The following SNX29 variants were observed in gnomAD, a reference collection of about 807,000 sequenced individuals.
SNX29 encodes the protein sorting nexin-29.
Under a neutral mutation model 102.1 loss-of-function variants are expected in SNX29, and 78 were observed. The ratio of observed to expected loss-of-function variants is 0.76; its 90% CI spans 0.64 to 0.92. SNX29 has a LOEUF of 0.92. SNX29 is among the 40% of genes least tolerant of loss of function. The pLI, the probability that SNX29 is intolerant of heterozygous loss-of-function variation, is 0.00. For missense variants in SNX29, 1,280 were observed against 1,061.7 expected (o/e 1.21, Z -2.86); for synonymous variants, 580 against 414.5 (o/e 1.40, Z -4.85).
chr16:12,456,715 T>C (rs1275783390), intron 18 of SNX29, among the ~76,000 whole-genome samples: 1 of 152,120 alleles, frequency 6.6e-6, no homozygotes, highest in Non-Finnish European at 1.5e-5. Context: ...TATATGTATC[T>C]GGTGGAGTAT....
At chr16:12,509,350 A>T (rs1361125718) in intron 19 of SNX29, among the ~76,000 whole-genome samples, 3 of 152,098 alleles carry the variant, frequency 2.0e-5, no homozygotes, top group Non-Finnish European at 4.4e-5. Context: ...CACACCACCC[A>T]AGCAGTTGCT....
chr16:12,267,778 C>G (rs79796807), intron 14 of SNX29, among the ~76,000 whole-genome samples: 2,579 of 152,300 alleles, frequency 0.017, 91 homozygotes, highest in African/African-American at 0.059. Flanking sequence ...ACCTCCCAGC[C>G]TCTGCACTGC....
intron 3 of SNX29, among the ~76,000 whole-genome samples, chr16:12,015,516 G>A (rs191143971): frequency 6.6e-6 from 1 of 150,732 alleles, no homozygotes; most frequent in East Asian, 2.0e-4. Context: ...GGGATTATAG[G>A]CGTGAGCCAC....
chr16:12,460,511 A>G (rs1310755907), intron 18 of SNX29, among the ~76,000 whole-genome samples: 2 of 152,026 alleles, frequency 1.3e-5, no homozygotes, highest in Non-Finnish European at 2.9e-5. Context: ...TCATCCTTCA[A>G]GGCTTTGCTC....
intron 20 of SNX29, among the ~76,000 whole-genome samples, chr16:12,550,090 C>G (rs143471966): frequency 1.9e-3 from 286 of 152,312 alleles, no homozygotes; most frequent in African/African-American, 6.3e-3. Context: ...GTTTGCCAAC[C>G]TATGGGCTAG....
intron 15 of SNX29, among the ~76,000 whole-genome samples, chr16:12,293,092 T>C (rs1489584896): frequency 1.3e-5 from 2 of 152,210 alleles, no homozygotes; most frequent in Non-Finnish European, 2.9e-5. Context: ...GGGCATCATA[T>C]ACATCTTTTT....
At chr16:12,365,366 T>TG (rs2082433485) in intron 16 of SNX29, among the ~76,000 whole-genome samples, 1 of 61,714 alleles carries the variant, frequency 1.6e-5, no homozygotes, top group East Asian at 5.3e-4. Flanking sequence ...GTGTGTGTGT[T>TG]TAGCATACTC....
intron 11 of SNX29, among the ~76,000 whole-genome samples, chr16:12,115,017 G>A (rs115629068): frequency 0.013 from 1,983 of 152,176 alleles, 50 homozygotes; most frequent in African/African-American, 0.045. Flanking sequence ...AACTTCTCTC[G>A]GTCTTTCCAT....
At chr16:12,171,554 T>G (rs974758071) in intron 13 of SNX29, among the ~76,000 whole-genome samples, 1 of 152,084 alleles carries the variant, frequency 6.6e-6, no homozygotes, top group African/African-American at 2.4e-5. Context: ...AGGCCGTGGG[T>G]GGGTTTCTGC....
At chr16:12,103,713 G>C (rs2053114525) in intron 11 of SNX29, among the ~76,000 whole-genome samples, 1 of 152,192 alleles carries the variant, frequency 6.6e-6, no homozygotes, top group Non-Finnish European at 1.5e-5. Context: ...AAACTACAGA[G>C]CTTCTGCACA....
intron 20 of SNX29, among the ~76,000 whole-genome samples, chr16:12,553,531 C>T (rs1409073870): frequency 6.6e-6 from 1 of 152,098 alleles, no homozygotes; most frequent in Non-Finnish European, 1.5e-5. Flanking sequence ...GGAGGAGGGA[C>T]CCCACAGAGC....
chr16:12,232,748 G>T (rs1206636680), intron 14 of SNX29, among the ~76,000 whole-genome samples: 2 of 152,188 alleles, frequency 1.3e-5, no homozygotes, highest in African/African-American at 4.8e-5. Context: ...AGCCTAGAGG[G>T]TGACTGTGGG....
At chr16:12,550,171 A>C (rs1204935672) in intron 20 of SNX29, among the ~76,000 whole-genome samples, 4 of 152,200 alleles carry the variant, frequency 2.6e-5, no homozygotes, top group Non-Finnish European at 5.9e-5. Flanking sequence ...ATATGGAAAA[A>C]ATCTCCATGA....
At chr16:12,233,901 C>T (rs2077845159) in intron 14 of SNX29, among the ~76,000 whole-genome samples, 1 of 152,134 alleles carries the variant, frequency 6.6e-6, no homozygotes, top group Admixed American at 6.5e-5. Context: ...ATAAGGTTTT[C>T]AAGGTTTATC....
At chr16:12,352,164 G>A (rs986278531) in intron 15 of SNX29, among the ~76,000 whole-genome samples, 8 of 152,116 alleles carry the variant, frequency 5.3e-5, no homozygotes, top group Non-Finnish European at 1.5e-5. Flanking sequence ...GGCACATATA[G>A]ACCATGGAAT....
intron 1 of SNX29, among the ~76,000 whole-genome samples, chr16:11,988,355 T>A (rs2055715559): frequency 6.6e-6 from 1 of 152,130 alleles, no homozygotes; most frequent in African/African-American, 2.4e-5. Context: ...CATGTGGTAG[T>A]TATTAATAGG....
chr16:12,559,331 G>T (rs952075219), intron 20 of SNX29, among the ~76,000 whole-genome samples: 1 of 151,776 alleles, frequency 6.6e-6, no homozygotes, highest in South Asian at 2.1e-4. Context: ...CCATGTGAGG[G>T]ATCTAGGCTG....
At chr16:12,543,786 G>T (rs1017519439) in intron 20 of SNX29, among the ~76,000 whole-genome samples, 2 of 152,190 alleles carry the variant, frequency 1.3e-5, no homozygotes, top group Admixed American at 6.5e-5. Flanking sequence ...GATGTATCTG[G>T]TGCTCTAGAG....
intron 14 of SNX29, among the ~76,000 whole-genome samples, chr16:12,242,284 T>TTTTATTTA (rs530410984): frequency 3.3e-5 from 5 of 150,560 alleles, no homozygotes; most frequent in Non-Finnish European, 7.4e-5. Flanking sequence ...AGTGCCCTGA[T>TTTTATTTA]TTTATTTATT....
Sources: allele counts gnomAD v4.1 joint callset (sites outside exome capture counted in the v4.1 genomes callset), GRCh38; gene constraint gnomAD v4.1.1; transcripts MANE v1.5; gene names NCBI Gene and HGNC (gene_info 2026-07-23, HGNC 2026-07-21).